RALYL: variants seen among roughly 807,000 people sequenced by gnomAD.
RALYL encodes the protein RALY RNA binding protein like.
In RALYL, 29 loss-of-function variants were observed where a neutral mutation model predicts 35.1. The ratio of observed to expected loss-of-function variants is 0.83; its 90% CI spans 0.61 to 1.13. The LOEUF (loss-of-function observed/expected upper bound fraction) is 1.13, where lower values mean the gene tolerates loss of function less well. RALYL is among the 50% of genes most tolerant of loss of function. The probability of loss-of-function intolerance (pLI) is 0.00; values close to 1 mark genes in which losing one functional copy is unlikely to be tolerated. For synonymous variants in RALYL, 120 were observed against 127.6 expected (o/e 0.94, Z 0.40); for missense variants, 359 against 360.4 (o/e 1.00, Z 0.03).
At chr8:84,400,188 A>G (rs2042748902) in intron 1 of RALYL, among the ~76,000 whole-genome samples, 1 of 152,204 alleles carries the variant, frequency 6.6e-6, no homozygotes, top group South Asian at 2.1e-4. Context: ...TATATACACA[A>G]TGAAATATGT....
chr8:84,331,708 G>C (rs1258831053), intron 1 of RALYL, among the ~76,000 whole-genome samples: 2 of 151,696 alleles, frequency 1.3e-5, no homozygotes, highest in Admixed American at 1.3e-4. Context: ...CTATGACTAA[G>C]CAGTGCATAA....
chr8:84,880,385 A>C (rs1256845427), intron 7 of RALYL, among the ~76,000 whole-genome samples: 1 of 152,044 alleles, frequency 6.6e-6, no homozygotes, highest in African/African-American at 2.4e-5. Context: ...ACTCAATCAC[A>C]GTCTTTCAAA....
chr8:84,227,872 A>T (rs1330399189), intron 1 of RALYL, among the ~76,000 whole-genome samples: 1 of 152,164 alleles, frequency 6.6e-6, no homozygotes, highest in Non-Finnish European at 1.5e-5. Flanking sequence ...TACTATCATA[A>T]ATGGCATTTA....
intron 1 of RALYL, among the ~76,000 whole-genome samples, chr8:84,374,906 A>G (rs1200930472): frequency 1.3e-5 from 2 of 151,906 alleles, no homozygotes; most frequent in South Asian, 2.1e-4. Context: ...AATAAATAGA[A>G]CACTAAAAAC....
intron 1 of RALYL, among the ~76,000 whole-genome samples, chr8:84,426,479 T>A (rs1464973542): frequency 6.8e-6 from 1 of 146,904 alleles, no homozygotes; most frequent in African/African-American, 2.5e-5. Context: ...TGTGTGGGTT[T>A]AGATTTCACA....
intron 4 of RALYL, among the ~76,000 whole-genome samples, chr8:84,814,291 C>CATT (rs1826647189): frequency 6.6e-6 from 1 of 151,958 alleles, no homozygotes; most frequent in Non-Finnish European, 1.5e-5. Flanking sequence ...CTTTGAGTTA[C>CATT]ATTATAAAAA....
intron 2 of RALYL, among the ~76,000 whole-genome samples, chr8:84,614,165 T>G (rs2130920143): frequency 1.3e-5 from 2 of 151,804 alleles, no homozygotes; most frequent in Middle Eastern, 6.8e-3. Context: ...AAGCATATTG[T>G]GCCTGGCACA....
chr8:84,577,884 A>G (rs1809843086), intron 2 of RALYL, among the ~76,000 whole-genome samples: 1 of 152,244 alleles, frequency 6.6e-6, no homozygotes, highest in Admixed American at 6.5e-5. Flanking sequence ...AACATAGTAA[A>G]TAGAGCACCC....
At chr8:84,683,491 G>T (rs1319294263) in intron 2 of RALYL, among the ~76,000 whole-genome samples, 1 of 152,042 alleles carries the variant, frequency 6.6e-6, no homozygotes, top group Admixed American at 6.5e-5. Flanking sequence ...CTATTTGTAG[G>T]TCTCTAAGGA....
chr8:84,687,205 T>C (rs1347783862), intron 2 of RALYL, among the ~76,000 whole-genome samples: 1 of 152,192 alleles, frequency 6.6e-6, no homozygotes, highest in Non-Finnish European at 1.5e-5. Context: ...ACAAAATGTA[T>C]TCTTATATTA....
intron 1 of RALYL, among the ~76,000 whole-genome samples, chr8:84,251,175 T>C (rs779568779): frequency 2.7e-4 from 41 of 152,098 alleles, no homozygotes; most frequent in Non-Finnish European, 5.3e-4. Context: ...TTATTTTCTT[T>C]ACATAATTAA....
intron 1 of RALYL, among the ~76,000 whole-genome samples, chr8:84,267,663 A>T (rs16912626): frequency 0.036 from 5,490 of 152,278 alleles, 122 homozygotes; most frequent in East Asian, 0.12. Flanking sequence ...CAAGAAAGCC[A>T]CACCCTTTCA....
In RALYL at chr8:84,311,090, A is replaced by AATAT. The variant is rs1563712525; in HGVS notation, c.-24+126668_-24+126669insATAT. On this transcript the variant is annotated intron_variant, in intron 1 of 8. Coordinates refer to ENST00000521268, the MANE Select transcript of RALYL (RefSeq NM_173848.7). The stretch of plus-strand genomic sequence containing the variant: ...AAAAAAAAAAAAAAAAAAAAAAAAA[A>AATAT]ATGTATATTAATGTATAGTATAAAT... Among the ~76,000 whole-genome samples, 59 of 99,768 alleles carry AATAT rather than the reference A, an allele frequency of 5.9e-4. 4 individuals carry two copies. The highest frequency in any genetic ancestry group is 9.3e-4 in the Non-Finnish European group (44 of 47,368). The allele number at this position is 99,768 out of a possible 152,430, so 65.5% of individuals were successfully genotyped here. A position where few individuals can be genotyped will look rare whatever the true frequency, so the allele number is the denominator to read the frequency against.
chr8:84,915,531 C>G (rs1037952138), intron 8 of RALYL, among the ~76,000 whole-genome samples: 5 of 152,072 alleles, frequency 3.3e-5, no homozygotes, highest in African/African-American at 1.2e-4. Context: ...AAATTCTTTT[C>G]TAACCACGAT....
At chr8:84,886,600 A>G (rs1842947737) in intron 7 of RALYL, among the ~76,000 whole-genome samples, 1 of 152,312 alleles carries the variant, frequency 6.6e-6, no homozygotes, top group East Asian at 1.9e-4. Flanking sequence ...GGAATAAGTT[A>G]GAGAAGGAGG....
intron 2 of RALYL, among the ~76,000 whole-genome samples, chr8:84,693,135 C>G (rs527683630): frequency 6.6e-6 from 1 of 151,890 alleles, no homozygotes; most frequent in African/African-American, 2.4e-5. Flanking sequence ...TCATTTGATT[C>G]ATAAATATTT....
Position 84,765,310 on chromosome 8 carries a change from A to C in RALYL, c.257-9269A>C, listed in dbSNP as rs544539044. On this transcript the variant is annotated intron_variant, in intron 2 of 8. Transcript: ENST00000521268. The stretch of plus-strand genomic sequence containing the variant: ...AATCTTATGAAGAACAAGGAGAGGT[A>C]GTGGGGAAAGTTCTAGATTAGGAGT... Among the ~76,000 whole-genome samples the C allele has an allele frequency of 2.0e-5, 3 of 152,260 alleles. No homozygotes were observed. In the South Asian group the frequency reaches 6.2e-4, roughly 32 times the overall value.
At chr8:84,212,790 A>G (rs2196616) in intron 1 of RALYL, among the ~76,000 whole-genome samples, 43,979 of 152,022 alleles carry the variant, frequency 0.29, 6,902 homozygotes, top group African/African-American at 0.41. Context: ...GTATTCTCTT[A>G]GGCATGCTTT....
intron 5 of RALYL, among the ~76,000 whole-genome samples, chr8:84,851,234 AT>A (rs1835801224): frequency 6.6e-6 from 1 of 152,248 alleles, no homozygotes; most frequent in African/African-American, 2.4e-5. Flanking sequence ...AGCAAAAAAA[AT>A]CATTGACAGA....
Sources: gnomAD v4.1 joint callset for allele counts (sites outside exome capture counted in the v4.1 genomes callset) on GRCh38, gnomAD v4.1.1 for gene constraint, MANE v1.5 for transcripts, NCBI Gene and HGNC (gene_info 2026-07-23, HGNC 2026-07-21) for gene names.